Variants in ADCY9 observed in about 807,000 individuals in gnomAD.
ADCY9 encodes the protein adenylate cyclase 9, also known as adenylate cyclase type 9.
In ADCY9, 50 loss-of-function variants were observed where a neutral mutation model predicts 101.5. The ratio of observed to expected loss-of-function variants is 0.49; its 90% CI spans 0.39 to 0.62. The LOEUF (loss-of-function observed/expected upper bound fraction) is 0.62, where lower values mean the gene tolerates loss of function less well. ADCY9 is among the 20% of genes least tolerant of loss of function. The probability of loss-of-function intolerance (pLI) is 0.00; values close to 1 mark genes in which losing one functional copy is unlikely to be tolerated. For synonymous variants in ADCY9, 905 were observed against 769.3 expected (o/e 1.18, Z -2.92); for missense variants, 1,662 against 1,800.4 (o/e 0.92, Z 1.39).
At chr16:4,014,752 A>T (rs1368891294) in intron 2 of ADCY9, among the ~76,000 whole-genome samples, 1 of 147,124 alleles carries the variant, frequency 6.8e-6, no homozygotes, top group Non-Finnish European at 1.5e-5. Context: ...CCAGCCAGAA[A>T]ATAAAATTTT....
At chr16:4,082,776 C>T (rs2601805) in intron 2 of ADCY9, among the ~76,000 whole-genome samples, 45,276 of 152,158 alleles carry the variant, frequency 0.3, 6,893 homozygotes, top group East Asian at 0.5. Flanking sequence ...CATGCGCACA[C>T]ACAGCCCACC....
intron 9 of ADCY9, 130 bp downstream of exon 9, chr16:3,977,352 A>G: frequency 8.2e-7 from 1 of 1,218,706 alleles, no homozygotes; most frequent in Non-Finnish European, 1.1e-6. Context: ...GCTGACAGCT[A>G]TTTTGGGTCA....
chr16:4,030,273 G>A (rs2056546044), intron 2 of ADCY9, among the ~76,000 whole-genome samples: 2 of 152,168 alleles, frequency 1.3e-5, no homozygotes, highest in African/African-American at 4.8e-5. Flanking sequence ...TCCATCAAGA[G>A]GAGGATCGAT....
chr16:4,055,478 G>A (rs1200783794), intron 2 of ADCY9, among the ~76,000 whole-genome samples: 1 of 151,716 alleles, frequency 6.6e-6, no homozygotes, highest in African/African-American at 2.4e-5. Context: ...AGGTTGCAGT[G>A]AGTCAAGATC....
At chr16:3,993,329 C>G in intron 4 of ADCY9, 77 bp downstream of exon 4, 1 of 1,584,032 alleles carries the variant, frequency 6.3e-7, no homozygotes, top group African/African-American at 1.3e-5. Flanking sequence ...ACTAAGAAGT[C>G]GACAAGACAG....
At chr16:4,050,370 T>A (rs1337343642) in intron 2 of ADCY9, among the ~76,000 whole-genome samples, 1 of 152,164 alleles carries the variant, frequency 6.6e-6, no homozygotes, top group Non-Finnish European at 1.5e-5. Context: ...TGCCCGTGTG[T>A]GTATGTACAA....
At chr16:4,086,240 CAGG>C (rs1484814706) in intron 2 of ADCY9, among the ~76,000 whole-genome samples, 3 of 152,030 alleles carry the variant, frequency 2.0e-5, no homozygotes, top group African/African-American at 4.8e-5. Context: ...GAGGGCAACA[CAGG>C]AGGAGAAGAG....
chr16:3,979,312 C>T, intron 7 of ADCY9, 37 bp from the exon 8 acceptor site: 1 of 1,608,042 alleles, frequency 6.2e-7, no homozygotes, highest in Non-Finnish European at 8.5e-7. Flanking sequence ...AGCGACGGGG[C>T]CCGGGGTGGG....
chr16:4,030,879 G>A (rs1248031180), intron 2 of ADCY9, among the ~76,000 whole-genome samples: 1 of 152,156 alleles, frequency 6.6e-6, no homozygotes, highest in African/African-American at 2.4e-5. Flanking sequence ...CTGGGTGCTG[G>A]TTTAGTGGAT....
rs182852351 is a variant in ADCY9, at chr16:4,056,186, T to C, written c.1694-48628A>G. ...TCAACATCAGCTCTCAACATATTTA[T>C]AGAAGATCTCCAGGCCCAGCAGTTT... On this transcript the variant is annotated intron_variant, in intron 2 of 10. Transcript: ENST00000294016. Among the ~76,000 whole-genome samples, 8 of 152,344 alleles carry C rather than the reference T, an allele frequency of 5.3e-5. No homozygotes were observed. In the East Asian group the frequency reaches 9.6e-4, roughly 18 times the overall value.
chr16:4,108,035 C>T (rs1025832454), intron 2 of ADCY9, among the ~76,000 whole-genome samples: 2 of 152,212 alleles, frequency 1.3e-5, no homozygotes, highest in Non-Finnish European at 2.9e-5. Flanking sequence ...TTAATTTCTG[C>T]ATCTGACAAT....
At chr16:3,985,837 T>C (rs2056187752) in intron 6 of ADCY9, among the ~76,000 whole-genome samples, 1 of 152,000 alleles carries the variant, frequency 6.6e-6, no homozygotes, top group South Asian at 2.1e-4. Context: ...AGCCTCCCCC[T>C]CTGGGCCACC....
intron 2 of ADCY9, among the ~76,000 whole-genome samples, chr16:4,036,783 G>A (rs1475870404): frequency 1.3e-5 from 2 of 151,878 alleles, no homozygotes; most frequent in Non-Finnish European, 2.9e-5. Flanking sequence ...TTTGTTAGGT[G>A]AGAATATATA....
chr16:4,015,340 T>A (rs1235296274), intron 2 of ADCY9, among the ~76,000 whole-genome samples: 1 of 151,968 alleles, frequency 6.6e-6, no homozygotes, highest in Non-Finnish European at 1.5e-5. Flanking sequence ...TCCACACACT[T>A]CAGAGACCTT....
At chr16:4,108,998 G>A (rs2057097291) in intron 2 of ADCY9, among the ~76,000 whole-genome samples, 1 of 152,056 alleles carries the variant, frequency 6.6e-6, no homozygotes, top group South Asian at 2.1e-4. Flanking sequence ...GAGCCACCAT[G>A]CCTGGCCCCT....
downstream of ADCY9, among the ~76,000 whole-genome samples, chr16:3,961,055 C>G (rs1183885389): frequency 2.6e-5 from 4 of 152,142 alleles, no homozygotes; most frequent in Non-Finnish European, 5.9e-5. Flanking sequence ...AGAGAAACCA[C>G]AAATGATCAG....
chr16:4,100,388 G>A, intron 2 of ADCY9, among the ~76,000 whole-genome samples: 1 of 152,060 alleles, frequency 6.6e-6, no homozygotes, highest in East Asian at 1.9e-4. Context: ...GGAGTACAGT[G>A]GCGCGATCTG....
At chr16:4,082,707 C>T (rs991941789) in intron 2 of ADCY9, among the ~76,000 whole-genome samples, 2 of 96,072 alleles carry the variant, frequency 2.1e-5, no homozygotes, top group African/African-American at 6.3e-5. Context: ...TATGCACACC[C>T]ACGCATGCAC....
intron 2 of ADCY9, among the ~76,000 whole-genome samples, chr16:4,110,514 C>T (rs1010238477): frequency 6.6e-6 from 1 of 151,722 alleles, no homozygotes; most frequent in African/African-American, 2.4e-5. Context: ...CTCAGCCTCC[C>T]GAGCACCTGG....
Sources: gnomAD v4.1 joint callset for allele counts (sites outside exome capture counted in the v4.1 genomes callset) on GRCh38, gnomAD v4.1.1 for gene constraint, MANE v1.5 for transcripts, NCBI Gene and HGNC (gene_info 2026-07-23, HGNC 2026-07-21) for gene names.